HCFC1: variants seen among roughly 807,000 people sequenced by gnomAD.
HCFC1 encodes host cell factor C1.
A neutral mutation model predicts 105.5 loss-of-function variants in HCFC1; 7 were observed. The observed-to-expected ratio is 0.07, with a 90% CI of 0.04 to 0.12. The LOEUF (loss-of-function observed/expected upper bound fraction) is 0.12, where lower values mean the gene tolerates loss of function less well. Among genes scored for constraint, HCFC1 ranks in the 10% least tolerant of loss-of-function variants. HCFC1 has a pLI of 1.00. For synonymous variants in HCFC1, 918 were observed against 828.1 expected (o/e 1.11, Z -1.86); for missense variants, 1,065 against 1,823.6 (o/e 0.58, Z 7.58).
chrX:153,956,176 C>T lies in HCFC1; in HGVS notation c.2856+15G>A, dbSNP rs1286532435. The T allele has an allele frequency of 2.5e-6, 3 of 1,201,960 alleles. No individual in the cohort carries two copies. In the Admixed American group the frequency reaches 6.5e-5, roughly 26 times the overall value. On this transcript the variant is annotated intron_variant, in intron 16 of 25. Transcript: ENST00000310441. ...GGGGTCCCTCGCCCACACGTGGCCT[C>T]AGGCCCTGCCCTACCTGCATGGTGA...
chrX:153,960,522 G>C, intron 6 of HCFC1, 108 bp from the exon 7 acceptor site: 1 of 503,474 alleles, frequency 2.0e-6, no homozygotes, highest in South Asian at 5.2e-5. Context: ...AAATCAAGAA[G>C]TTATTGGATT....
chrX:153,957,183 G>T, intron 13 of HCFC1, 123 bp from the exon 14 acceptor site: 1 of 976,699 alleles, frequency 1.0e-6, no homozygotes, highest in South Asian at 2.2e-5. Flanking sequence ...ACTACCCTTA[G>T]ACACAAAAGG....
At chrX:153,960,528 G>A (rs1457630644) in intron 6 of HCFC1, 114 bp from the exon 7 acceptor site, 3 of 466,715 alleles carry the variant, frequency 6.4e-6, no homozygotes, top group East Asian at 8.0e-5. Flanking sequence ...AGAAGTTATT[G>A]GATTATTACA....
chrX:153,954,382 G>A lies in HCFC1; in HGVS notation c.4017C>T (p.Asn1339=), dbSNP rs373690520. The A allele has an allele frequency of 6.3e-5, 76 of 1,207,776 alleles. No individual in the cohort carries two copies. The African/African-American group carries it at 7.4e-4, about 12-fold the overall frequency. The part of the protein sequence containing the change: ...TTHTATTATS[N]GGTGQPEGGQ... ...CACCCTCGGGCTGGCCCGTGCCCCC[G>A]TTTGAAGTAGCGGTGGTGGCCGTGT... Residue 1339 remains asparagine (N), a synonymous_variant, in exon 17 of 26, where the codon AAC becomes AAT. Transcript: ENST00000310441.
intron 10 of HCFC1, 60 bp downstream of exon 10, chrX:153,958,497 GGCTAACTCTAAA>G: frequency 4.0e-6 from 4 of 999,341 alleles, no homozygotes; most frequent in Non-Finnish European, 5.5e-6. Context: ...ACGGTCCAAC[GGCTAACTCTAAA>G]GCCCGGAGGG....
rs2065400098 is a variant in HCFC1, at chrX:153,958,600, G to A, written c.1772C>T (p.Ala591Val). 1 of 1,206,295 alleles carries A rather than the reference G, an allele frequency of 8.3e-7. No homozygotes were observed. ...TGGCGAGGAGGCCACCTTCACAGTG[G>A]CTGGGAGGGTGGTAGTGCCAGGTGT... ...AVTPGTTTLP[A>V]TVKVASSPVM... The change falls in exon 10 of 26, where the codon GCC becomes GTC. Residue 591 changes from alanine to valine, a missense_variant. By Grantham distance (64) the Ala-to-Val change is moderately conservative. Around this residue, in one of 17 missense-constraint regions of HCFC1, gnomAD observed 137 missense variants for 378.2 expected, o/e 0.36. Coordinates refer to ENST00000310441, the MANE Select transcript of HCFC1 (RefSeq NM_005334.3).
In HCFC1 at chrX:153,960,423, G is replaced by C. The variant is rs782717159; in HGVS notation, c.905-9C>G. On this transcript the variant is annotated splice_polypyrimidine_tract_variant and intron_variant, in intron 6 of 25. Transcript: ENST00000310441. ...CTCCCAGGCCATGGTATCTGGGGGA[G>C]GGCAGACAAGGGAGGTCAGCAAGGA... 8.6e-7 allele frequency: 1 copy of C among 1,164,661 alleles called. No homozygotes were observed. Among genetic ancestry groups the C allele is most frequent in the Admixed American group, 2.4e-5 (1 of 42,122 alleles).
intron 5 of HCFC1, 116 bp from the exon 6 acceptor site, chrX:153,961,764 C>A: frequency 1.8e-6 from 1 of 544,704 alleles, no homozygotes; most frequent in South Asian, 2.8e-5. Flanking sequence ...GGAGAGTCCC[C>A]AAGGATGCGT....
In HCFC1 at chrX:153,956,357, G is replaced by A. The variant is rs781971515; in HGVS notation, c.2690C>T (p.Ala897Val). The A allele has an allele frequency of 7.4e-6, 9 of 1,211,911 alleles. No individual in the cohort carries two copies. Among genetic ancestry groups the A allele is most frequent in the South Asian group, 1.8e-5 (1 of 57,034 alleles). ...GGAAGCACTAGTGCTGTGGCCCCCCGCCCCGGCAAGGCTGGTGGAGACGGT... is the reference window on the plus strand; with the variant it reads ...GGAAGCACTAGTGCTGTGGCCCCCCACCCCGGCAAGGCTGGTGGAGACGGT... ...TGTVSTSLAGAGGHSTSASLA... is the reference protein window; with the variant it reads ...TGTVSTSLAGVGGHSTSASLA... Residue 897 changes from alanine (A) to valine (V), a missense_variant, in exon 16 of 26, where the codon GCG becomes GTG. By Grantham distance (64) the Ala-to-Val change is moderately conservative. This residue lies in a region of HCFC1 where 137 missense variants were observed against 378.2 expected (regional missense o/e 0.36). Coordinates refer to ENST00000310441, the MANE Select transcript of HCFC1 (RefSeq NM_005334.3).
In HCFC1 at chrX:153,957,428, T is replaced by C; in HGVS notation, c.2239A>G (p.Lys747Glu). Residue 747 changes from lysine to glutamate, a missense_variant, in exon 13 of 26, where the codon AAG (lysine) becomes GAG (glutamate). Transcript: ENST00000310441. ...CTGCTGATGCCCAGGATGGTGGGCT[T>C]GGTCCCCGCCCCACTGGCCTGCGTG... Reference protein sequence around the residue: ...TTTQASGAGTKPTILGISSVS... With the variant: ...TTTQASGAGTEPTILGISSVS... 1.7e-6 allele frequency: 2 copies of C among 1,210,326 alleles called. No individual in the cohort carries two copies. The highest frequency in any genetic ancestry group is 2.2e-6 in the Non-Finnish European group (2 of 894,351).
chrX:153,951,737 G>A, intron 20 of HCFC1, 30 bp from the exon 21 acceptor site: 2 of 1,185,863 alleles, frequency 1.7e-6, no homozygotes, highest in Non-Finnish European at 2.3e-6. Flanking sequence ...CAGCGGGAAA[G>A]ACTCGGGAAA....
chrX:153,951,139 G>A (rs1365738851), intron 22 of HCFC1, 141 bp from the exon 23 acceptor site: 11 of 693,484 alleles, frequency 1.6e-5, no homozygotes, highest in South Asian at 2.6e-5. Context: ...AAGGAGGGAC[G>A]TGGCGAGGCT....
Position 153,964,700 on chromosome X carries a change from C to T in HCFC1, c.220G>A (p.Val74Met). 2.5e-6 allele frequency: 3 copies of T among 1,187,753 alleles called. No homozygotes were observed. Among genetic ancestry groups the T allele is most frequent in the Non-Finnish European group, 1.1e-6 (1 of 882,318 alleles). ...TATNQWFIPA[V>M]RGDIPPGCAA... ...CACCCAGGGGGAATGTCCCCCCTCA[C>T]GGCTGGGATGAACCACTGGTTGGTT... Residue 74 changes from valine (V) to methionine (M), a missense_variant, in exon 2 of 26, where the codon GTG becomes ATG. By Grantham distance (21) the Val-to-Met change is conservative. Transcript: ENST00000310441.
chrX:153,956,116 C>G, intron 16 of HCFC1, 75 bp downstream of exon 16: 3 of 970,473 alleles, frequency 3.1e-6, no homozygotes, highest in South Asian at 4.2e-5. Flanking sequence ...GGCCTGTGGA[C>G]GGACGGCGTG....
chrX:153,950,121 C>T (rs782220667), intron 24 of HCFC1, 122 bp downstream of exon 24: 13 of 766,089 alleles, frequency 1.7e-5, no homozygotes, highest in African/African-American at 8.5e-5. Flanking sequence ...GCTGTGTGCG[C>T]GCCAAAGGAA....
Position 153,954,855 on chromosome X carries a change from C to T in HCFC1, c.3544G>A (p.Ala1182Thr), listed in dbSNP as rs1557114130. The stretch of plus-strand genomic sequence containing the variant: ...CCGGCCGAGCACGGGGCCCCGGTGG[C>T]CATCACAGTCATGGTGGTGCTGGTC... ...SATSTTMTVM[A>T]TGAPCSAGPL... Residue 1182 changes from alanine to threonine, a missense_variant, in exon 17 of 26, where the codon GCC (alanine) becomes ACC (threonine). By Grantham distance (58) the Ala-to-Thr change is moderately conservative. Transcript: ENST00000310441. The T allele has an allele frequency of 8.7e-7, 1 of 1,152,668 alleles. No individual in the cohort carries two copies. Among genetic ancestry groups the T allele is most frequent in the Non-Finnish European group, 1.1e-6 (1 of 871,625 alleles). 95.0% of individuals were successfully genotyped at this position (1,152,668 alleles called of 1,213,427 possible). A position where few individuals can be genotyped will look rare whatever the true frequency, so the allele number is the denominator to read the frequency against.
At position 153,963,191 on chromosome X, in the gene HCFC1, C is replaced by T. The variant is rs782606427; in HGVS notation, c.712+34G>A. On this transcript the variant is annotated intron_variant, in intron 4 of 25. Transcript: ENST00000310441. ...CAGCCAAGAGGCAGACCCGCTTTGT[C>T]CCATGGCTGCTGGGGTGCTACCACC... is the stretch of plus-strand genomic sequence containing the variant. 3.6e-6 allele frequency: 4 copies of T among 1,124,392 alleles called. No individual in the cohort carries two copies. In the East Asian group the frequency reaches 9.0e-5, roughly 25 times the overall value. The allele number at this position is 1,124,392 out of a possible 1,213,427, so 92.7% of individuals were successfully genotyped here.
chrX:153,950,551 C>T lies in HCFC1; in HGVS notation c.5704-8G>A, dbSNP rs1603294212. On this transcript the variant is annotated splice_region_variant and splice_polypyrimidine_tract_variant and intron_variant, in intron 23 of 25. Transcript: ENST00000310441. ...GTGAGCACCATCCGGACTCTAGAAGCCAGGGGGTCAGAAGGTCAACAGAAC... is the reference window on the plus strand; with the variant it reads ...GTGAGCACCATCCGGACTCTAGAAGTCAGGGGGTCAGAAGGTCAACAGAAC... 8.7e-7 allele frequency: 1 copy of T among 1,150,527 alleles called. No individual in the cohort carries two copies. Among genetic ancestry groups the T allele is most frequent in the East Asian group, 3.0e-5 (1 of 33,299 alleles). The allele number at this position is 1,150,527 out of a possible 1,213,427, so 94.8% of individuals were successfully genotyped here.
At chrX:153,964,394 T>G (rs1159446097) in intron 2 of HCFC1, 110 bp from the exon 3 acceptor site, 1 of 919,036 alleles carries the variant, frequency 1.1e-6, no homozygotes, top group African/African-American at 2.0e-5. Context: ...CGAGGTGCCT[T>G]GCTGGAGCAA....
Sources: allele counts gnomAD v4.1 joint callset, GRCh38; gene constraint gnomAD v4.1.1; regional missense constraint gnomAD v4.1.1; transcripts MANE v1.5; gene names NCBI Gene and HGNC (gene_info 2026-07-23, HGNC 2026-07-21).